The following STYX variants were observed in gnomAD, a reference collection of about 807,000 sequenced individuals.
The protein encoded by STYX is serine/threonine/tyrosine-interacting protein.
STYX carries 20 observed loss-of-function variants against 42.7 expected under a neutral mutation model. The ratio of observed to expected loss-of-function variants is 0.47; its 90% confidence interval spans 0.33 to 0.68. The LOEUF (loss-of-function observed/expected upper bound fraction) is 0.68. STYX is among the 30% of genes least tolerant of loss of function. The pLI, the probability that STYX is intolerant of heterozygous loss-of-function variation, is 0.02. For missense variants in STYX, 226 were observed against 268.5 expected (o/e 0.84, Z 1.11); for synonymous variants, 78 against 81.9 (o/e 0.95, Z 0.26).
Position 52,730,294 on chromosome 14 carries a change from C to A in STYX, c.-181C>A. Reference sequence around the variant, plus strand: ...CGACCCTCCTCTTCCCTGTCTTCGCCGCCGCCGCTGCTGGAGTCACTGGGA... The same window carrying A: ...CGACCCTCCTCTTCCCTGTCTTCGCAGCCGCCGCTGCTGGAGTCACTGGGA... On this transcript the variant is annotated 5_prime_UTR_variant, in exon 1 of 11. Transcript: ENST00000354586. 1.6e-6 allele frequency: 1 copy of A among 619,412 alleles called. No homozygotes were observed. Among genetic ancestry groups the A allele is most frequent in the Non-Finnish European group, 2.9e-6 (1 of 349,478 alleles). The allele number at this position is 619,412 out of a possible 1,614,324, so 38.4% of individuals were successfully genotyped here. A position where few individuals can be genotyped will look rare whatever the true frequency, so the allele number is the denominator to read the frequency against.
At chr14:52,730,712 A>C (rs1252504788) in intron 1 of STYX, among the ~76,000 whole-genome samples, 181 bp downstream of exon 1, 3 of 152,230 alleles carry the variant, frequency 2.0e-5, no homozygotes, top group Non-Finnish European at 4.4e-5. Flanking sequence ...CGTCCTCTCC[A>C]GACCCCGCGG....
At chr14:52,762,085 G>C (rs1211469333) in intron 9 of STYX, among the ~76,000 whole-genome samples, 1 of 151,198 alleles carries the variant, frequency 6.6e-6, no homozygotes, top group East Asian at 2.0e-4. Context: ...TTGCCATGTT[G>C]CCCAGGATGG....
intron 9 of STYX, among the ~76,000 whole-genome samples, chr14:52,766,650 G>A (rs1227151690): frequency 6.6e-6 from 1 of 152,150 alleles, no homozygotes; most frequent in African/African-American, 2.4e-5. Context: ...TTTTTTCTGA[G>A]TCACAGTGTG....
intron 8 of STYX, 111 bp downstream of exon 8, chr14:52,758,035 A>G (rs1436997688): frequency 4.9e-6 from 6 of 1,226,926 alleles, no homozygotes; most frequent in Non-Finnish European, 4.6e-6. Context: ...TTTTTCATGT[A>G]GTCATGTTTG....
chr14:52,737,154 AT>A (rs1276860012), intron 1 of STYX, among the ~76,000 whole-genome samples: 2 of 152,202 alleles, frequency 1.3e-5, no homozygotes, highest in Non-Finnish European at 2.9e-5. Flanking sequence ...GTATGAACAT[AT>A]CCCCTGTGGA....
intron 1 of STYX, among the ~76,000 whole-genome samples, chr14:52,739,623 CCTTT>C (rs1262119296): frequency 7.4e-6 from 1 of 135,844 alleles, no homozygotes; most frequent in African/African-American, 2.7e-5. Context: ...TTTTCTTTTT[CCTTT>C]CTTTCTTTTT....
At chr14:52,770,664 G>C (rs189454761) in intron 10 of STYX, among the ~76,000 whole-genome samples, 1 of 152,066 alleles carries the variant, frequency 6.6e-6, no homozygotes, top group East Asian at 1.9e-4. Context: ...ACAAATACAA[G>C]ATTAATTTCC....
At chr14:52,733,971 A>G (rs1461693872) in intron 1 of STYX, among the ~76,000 whole-genome samples, 1 of 152,072 alleles carries the variant, frequency 6.6e-6, no homozygotes, top group Non-Finnish European at 1.5e-5. Context: ...CCCATTGGCC[A>G]TTCCATGCTC....
chr14:52,739,817 T>A (rs1309820753), intron 1 of STYX, among the ~76,000 whole-genome samples: 1 of 151,732 alleles, frequency 6.6e-6, no homozygotes, highest in African/African-American at 2.4e-5. Context: ...GCTAATTTTT[T>A]AATTTTTGTA....
rs1882613703 is a variant in STYX at position 52,773,780 on chromosome 14, A to G, written c.*2674A>G. 2.0e-5 allele frequency: 3 copies of G among 151,944 alleles called. No homozygotes were observed. 9.4% of individuals were successfully genotyped at this position (151,944 alleles called of 1,614,324 possible). ...CCTATTCTTTATTCTATTTGATTCC[A>G]TTTCTGTGATTCTTTTATTACCACT... On this transcript the variant is annotated 3_prime_UTR_variant, in exon 11 of 11. Coordinates refer to ENST00000354586, the MANE Select transcript of STYX (RefSeq NM_145251.4).
intron 1 of STYX, among the ~76,000 whole-genome samples, chr14:52,739,389 A>G (rs1444927302): frequency 6.6e-6 from 1 of 152,040 alleles, no homozygotes; most frequent in Admixed American, 6.6e-5. Flanking sequence ...TCATTTCTTT[A>G]ATTGATTTTC....
chr14:52,736,131 T>C (rs1880939966), intron 1 of STYX, among the ~76,000 whole-genome samples: 1 of 152,184 alleles, frequency 6.6e-6, no homozygotes, highest in Non-Finnish European at 1.5e-5. Context: ...AGAGCCTTTA[T>C]GTTTGCTATT....
At chr14:52,735,966 C>G (rs1880930976) in intron 1 of STYX, among the ~76,000 whole-genome samples, 1 of 152,126 alleles carries the variant, frequency 6.6e-6, no homozygotes, top group South Asian at 2.1e-4. Flanking sequence ...AAATTTAAAC[C>G]CTTGACATTA....
At chr14:52,738,586 T>A (rs991152145) in intron 1 of STYX, among the ~76,000 whole-genome samples, 2 of 152,248 alleles carry the variant, frequency 1.3e-5, no homozygotes, top group African/African-American at 4.8e-5. Context: ...GCTTTGAGTG[T>A]CTTTTGGCAT....
rs17125748 is a variant in STYX at position 52,772,250 on chromosome 14, T to G, written c.*1144T>G. 1 of 152,162 alleles carries G rather than the reference T, an allele frequency of 6.6e-6. No individual in the cohort carries two copies. The allele number at this position is 152,162 out of a possible 1,614,324, so 9.4% of individuals were successfully genotyped here. ...TTTACTCTTTCTTTTTATGTTGTCT[T>G]AATGATTCTGTGAGATTGTTCCGGC... On this transcript the variant is annotated 3_prime_UTR_variant, in exon 11 of 11. Coordinates refer to ENST00000354586, the MANE Select transcript of STYX (RefSeq NM_145251.4).
At position 52,755,116 on chromosome 14, in the gene STYX, T is replaced by TG. The variant is rs1175013975; in HGVS notation, c.243-1435_243-1434insG. The stretch of plus-strand genomic sequence containing the variant: ...GCTTCTGTGTTTTTTTTTGTTTGTT[T>TG]TTTTGTTTTTTTTTTTTTGTTTTTG... On this transcript the variant is annotated intron_variant, in intron 4 of 10. Transcript: ENST00000354586. 2.7e-5 allele frequency among the ~76,000 whole-genome samples: 3 copies of TG among 112,912 alleles called. No homozygotes were observed. The East Asian group carries it at 8.4e-4, about 32-fold the overall frequency. 74.1% of individuals were successfully genotyped at this position (112,912 alleles called of 152,430 possible).
Position 52,756,545 on chromosome 14 carries a change from T to C in STYX, c.243-6T>C. ...GTGTGCTTATCACAAAATACTCTAT[T>C]TTCAGATATTTAGTCCTGGATATTG... On this transcript the variant is annotated splice_polypyrimidine_tract_variant and splice_region_variant and intron_variant, in intron 4 of 10. Transcript: ENST00000354586. The C allele has an allele frequency of 6.7e-7, 1 of 1,503,612 alleles. No homozygotes were observed. The highest frequency in any genetic ancestry group is 9.1e-7 in the Non-Finnish European group (1 of 1,102,520). 93.1% of individuals were successfully genotyped at this position (1,503,612 alleles called of 1,614,324 possible). A position where few individuals can be genotyped will look rare whatever the true frequency, so the allele number is the denominator to read the frequency against.
rs143003332 is a variant in STYX at position 52,742,137 on chromosome 14, G to A, written c.58-2715G>A. 5.5e-3 allele frequency among the ~76,000 whole-genome samples: 840 copies of A among 152,302 alleles called. 9 individuals are homozygous for A. Among genetic ancestry groups the A allele is most frequent in the African/African-American group, 0.019 (804 of 41,552 alleles). Reference sequence around the variant, plus strand: ...AACTGAATTCTAACCCCAAACTTGAGTGGATGCCAGATTGTGGTTAGGAAG... The same window carrying A: ...AACTGAATTCTAACCCCAAACTTGAATGGATGCCAGATTGTGGTTAGGAAG... On this transcript the variant is annotated intron_variant, in intron 1 of 10. Coordinates refer to ENST00000354586, the MANE Select transcript of STYX (RefSeq NM_145251.4).
Position 52,765,193 on chromosome 14 carries a change from A to G in STYX, c.505-3647A>G, listed in dbSNP as rs146450543. 3.2e-3 allele frequency among the ~76,000 whole-genome samples: 480 copies of G among 152,120 alleles called. 2 individuals carry two copies. Among genetic ancestry groups the G allele is most frequent in the Non-Finnish European group, 5.6e-3 (378 of 67,990 alleles). On this transcript the variant is annotated intron_variant, in intron 9 of 10. Coordinates refer to ENST00000354586, the MANE Select transcript of STYX (RefSeq NM_145251.4). ...TTTTCCCTAGTGATTTTGTACACAGACCTGATATTAAATATTTTTTGTTTG... is the reference window on the plus strand; with the variant it reads ...TTTTCCCTAGTGATTTTGTACACAGGCCTGATATTAAATATTTTTTGTTTG...
Sources: allele counts gnomAD v4.1 joint callset (sites outside exome capture counted in the v4.1 genomes callset), GRCh38; gene constraint gnomAD v4.1.1; transcripts MANE v1.5; gene names NCBI Gene and HGNC (gene_info 2026-07-23, HGNC 2026-07-21).